CADM2: variants seen among roughly 807,000 people sequenced by gnomAD.
The protein encoded by CADM2 is cell adhesion molecule 2.
CADM2 carries 12 observed loss-of-function variants against 49.8 expected under a neutral mutation model. The ratio of observed to expected loss-of-function variants is 0.24; its 90% CI spans 0.15 to 0.39. The LOEUF (loss-of-function observed/expected upper bound fraction) is 0.39. CADM2 is among the 10% of genes least tolerant of loss of function. The pLI is 1.00. For missense variants in CADM2, 378 were observed against 492.3 expected (o/e 0.77, Z 2.20); for synonymous variants, 214 against 175.4 (o/e 1.22, Z -1.74).
intron 1 of CADM2, among the ~76,000 whole-genome samples, chr3:85,549,195 C>T (rs907228096): frequency 3.3e-5 from 5 of 151,902 alleles, no homozygotes; most frequent in South Asian, 2.1e-4. Flanking sequence ...TTTTCTGATA[C>T]GAAAATCAAA....
At chr3:85,697,246 G>A (rs1379911904) in intron 1 of CADM2, among the ~76,000 whole-genome samples, 3 of 151,638 alleles carry the variant, frequency 2.0e-5, no homozygotes, top group African/African-American at 7.3e-5. Context: ...ATTCTTTCAG[G>A]AAGTGTCATG....
chr3:85,969,845 T>C (rs1725897532), intron 8 of CADM2, among the ~76,000 whole-genome samples: 1 of 151,096 alleles, frequency 6.6e-6, no homozygotes. Flanking sequence ...CCCGCTGTTT[T>C]CAAGAGAAGA....
rs1157116127 is a variant in CADM2 at position 85,351,191 on chromosome 3, C to T, written c.62-375331C>T. Among the ~76,000 whole-genome samples, 3 of 151,978 alleles carry T rather than the reference C, an allele frequency of 2.0e-5. No individual in the cohort carries two copies. The East Asian group carries it at 5.8e-4, about 29-fold the overall frequency. ...TCAAATAAAATATTTCTAAATTTGG[C>T]ATGATTGAACTGAAAAAAACAAGGA... On this transcript the variant is annotated intron_variant, in intron 1 of 9. Transcript: ENST00000383699.
intron 1 of CADM2, among the ~76,000 whole-genome samples, chr3:85,436,438 G>C (rs2036933793): frequency 6.6e-6 from 1 of 151,880 alleles, no homozygotes; most frequent in South Asian, 2.1e-4. Context: ...TGATTGCCCT[G>C]AAATACTCTG....
chr3:85,781,460 C>T (rs947676886), intron 2 of CADM2, among the ~76,000 whole-genome samples: 1 of 152,160 alleles, frequency 6.6e-6, no homozygotes. Context: ...AGGCCATGAA[C>T]ACAATGGAGA....
intron 2 of CADM2, among the ~76,000 whole-genome samples, chr3:85,750,103 T>A (rs1291164565): frequency 6.6e-6 from 1 of 152,102 alleles, no homozygotes; most frequent in Non-Finnish European, 1.5e-5. Context: ...CTGAGAAGTT[T>A]ATTGAACTCA....
chr3:85,804,942 T>A (rs905855170), intron 3 of CADM2, among the ~76,000 whole-genome samples: 3 of 151,258 alleles, frequency 2.0e-5, no homozygotes, highest in African/African-American at 4.9e-5. Flanking sequence ...AAGTATGCAC[T>A]TTTTTTTTGG....
chr3:85,991,107 G>A (rs964574267), intron 8 of CADM2, among the ~76,000 whole-genome samples: 2 of 152,098 alleles, frequency 1.3e-5, no homozygotes, highest in African/African-American at 4.8e-5. Flanking sequence ...CAGGGACTGG[G>A]AGTTAAGGCT....
At chr3:85,839,298 T>C (rs994643922) in intron 3 of CADM2, among the ~76,000 whole-genome samples, 2 of 151,850 alleles carry the variant, frequency 1.3e-5, no homozygotes, top group Non-Finnish European at 2.9e-5. Context: ...ATTTCTTCTC[T>C]AGTCTGTTAA....
chr3:85,991,332 A>G (rs1359282705), intron 8 of CADM2, among the ~76,000 whole-genome samples: 1 of 152,144 alleles, frequency 6.6e-6, no homozygotes, highest in African/African-American at 2.4e-5. Flanking sequence ...AGTTTGTTTT[A>G]TGTCAACTTA....
intron 1 of CADM2, chr3:85,511,880 G>T: frequency 7.1e-6 from 7 of 982,642 alleles, no homozygotes; most frequent in Non-Finnish European, 8.5e-6. Context: ...TCATTCCAGT[G>T]TAATCAGACT....
rs540585788 is a variant in CADM2 at position 85,155,906 on chromosome 3, C to T, written c.61+196238C>T. ...TTTGAAACCAATGAGATCAAAGACA[C>T]AACATTCCAGAATCTCTGGGACGCA... On this transcript the variant is annotated intron_variant, in intron 1 of 9. Transcript: ENST00000383699. 1.2e-3 allele frequency among the ~76,000 whole-genome samples: 186 copies of T among 152,224 alleles called. 1 individual carries two copies. Among genetic ancestry groups the T allele is most frequent in the African/African-American group, 4.1e-3 (169 of 41,542 alleles).
chr3:85,711,838 T>C (rs1308413468), intron 1 of CADM2, among the ~76,000 whole-genome samples: 1 of 152,154 alleles, frequency 6.6e-6, no homozygotes, highest in African/African-American at 2.4e-5. Context: ...TATGATTATC[T>C]TACAGACATA....
At chr3:85,980,275 C>A (rs1356336297) in intron 8 of CADM2, among the ~76,000 whole-genome samples, 3 of 151,356 alleles carry the variant, frequency 2.0e-5, no homozygotes, top group Non-Finnish European at 4.4e-5. Flanking sequence ...TTATGTTTAG[C>A]ATTATTATTC....
At chr3:85,201,028 CAT>C (rs1279090628) in intron 1 of CADM2, among the ~76,000 whole-genome samples, 1 of 152,136 alleles carries the variant, frequency 6.6e-6, no homozygotes, top group Non-Finnish European at 1.5e-5. Context: ...ATAAGTAATA[CAT>C]GTTTATTCAT....
At chr3:85,134,144 G>A (rs1439196018) in intron 1 of CADM2, among the ~76,000 whole-genome samples, 2 of 152,214 alleles carry the variant, frequency 1.3e-5, no homozygotes. Flanking sequence ...AGGGCCGGCC[G>A]GCTGCTCTGA....
chr3:86,010,242 A>G (rs1731333151), intron 8 of CADM2, among the ~76,000 whole-genome samples: 1 of 152,006 alleles, frequency 6.6e-6, no homozygotes, highest in African/African-American at 2.4e-5. Flanking sequence ...AAGAATAACA[A>G]AAATAAAGTA....
chr3:85,321,116 A>ATATATATATATATT (rs2044596196), intron 1 of CADM2, among the ~76,000 whole-genome samples: 1 of 27,502 alleles, frequency 3.6e-5, no homozygotes, highest in Non-Finnish European at 6.5e-5. Context: ...ATATATATAT[A>ATATATATATATATT]TTTTTTTTTT....
At chr3:85,361,590 T>C (rs1480526207) in intron 1 of CADM2, among the ~76,000 whole-genome samples, 3 of 152,180 alleles carry the variant, frequency 2.0e-5, no homozygotes, top group African/African-American at 4.8e-5. Flanking sequence ...AGCTTTTTTC[T>C]TCACTCCCTG....
Sources: allele counts gnomAD v4.1 joint callset (sites outside exome capture counted in the v4.1 genomes callset), GRCh38; gene constraint gnomAD v4.1.1; transcripts MANE v1.5; gene names NCBI Gene and HGNC (gene_info 2026-07-23, HGNC 2026-07-21).